MAGI1: variants seen among roughly 807,000 people sequenced by gnomAD.
The protein encoded by MAGI1 is membrane associated guanylate kinase, WW and PDZ domain containing 1, also known as membrane-associated guanylate kinase, WW and PDZ domain-containing protein 1.
MAGI1 carries 58 observed loss-of-function variants against 139.9 expected under a neutral mutation model. That is an observed-to-expected ratio of 0.41 (90% confidence interval 0.34 to 0.52). The LOEUF (loss-of-function observed/expected upper bound fraction) is 0.52. MAGI1 is among the 20% of genes least tolerant of loss of function. The pLI, the probability that MAGI1 is intolerant of heterozygous loss-of-function variation, is 0.12. For missense variants in MAGI1, 1,874 were observed against 1,901.6 expected, an observed-to-expected ratio of 0.99 and a Z score of 0.27; for synonymous variants, 812 against 737.9, an observed-to-expected ratio of 1.10 and a Z score of -1.63.
intron 1 of MAGI1, among the ~76,000 whole-genome samples, chr3:65,948,798 G>A (rs1007676647): frequency 6.6e-6 from 1 of 152,128 alleles, no homozygotes; most frequent in African/African-American, 2.4e-5. Flanking sequence ...AATCTGTTAG[G>A]ATTTTAGAAT....
chr3:65,438,893 T>C (rs1948035622), intron 9 of MAGI1, among the ~76,000 whole-genome samples: 1 of 152,240 alleles, frequency 6.6e-6, no homozygotes, highest in Non-Finnish European at 1.5e-5. Flanking sequence ...CTAACAGAGA[T>C]TGACTGTTTA....
Position 65,810,228 on chromosome 3 carries a change from G to T in MAGI1, c.314-188140C>A, listed in dbSNP as rs1575577949. On this transcript the variant is annotated intron_variant, in intron 1 of 22. Transcript: ENST00000402939. ...GAATTTTAGATACTTTGGCACATTGGGCAAGCCCAAGAGGACCCTTCTCCC... is the reference window on the plus strand; with the variant it reads ...GAATTTTAGATACTTTGGCACATTGTGCAAGCCCAAGAGGACCCTTCTCCC... Among the ~76,000 whole-genome samples, 3 of 152,254 alleles carry T rather than the reference G, an allele frequency of 2.0e-5. No homozygotes were observed. The South Asian group carries it at 6.2e-4, about 32-fold the overall frequency.
At chr3:65,930,709 C>T (rs532409339) in intron 1 of MAGI1, among the ~76,000 whole-genome samples, 1 of 152,122 alleles carries the variant, frequency 6.6e-6, no homozygotes, top group African/African-American at 2.4e-5. Context: ...CCAAAACCCA[C>T]CAAAACCAAG....
At chr3:65,842,332 C>T (rs547947912) in intron 1 of MAGI1, among the ~76,000 whole-genome samples, 5 of 151,658 alleles carry the variant, frequency 3.3e-5, no homozygotes, top group African/African-American at 1.2e-4. Context: ...TTTCAATGTT[C>T]CATATCCCCT....
In MAGI1 at chr3:65,646,464, ATCTCTC is replaced by A. The variant is rs545074824; in HGVS notation, c.314-24382_314-24377del. ...AACAATCGTTGTTAGAGACTTTAACATCTCTCTCTCTTTCTCTCTCTCAATAATTGG... is the reference window on the plus strand; with the variant it reads ...AACAATCGTTGTTAGAGACTTTAACATCTCTTTCTCTCTCTCAATAATTGG... On this transcript the variant is annotated intron_variant, in intron 1 of 22. Transcript: ENST00000402939. Among the ~76,000 whole-genome samples, 25 of 152,258 alleles carry A rather than the reference ATCTCTC, an allele frequency of 1.6e-4. No individual in the cohort carries two copies. In the South Asian group the frequency reaches 5.0e-3, roughly 30 times the overall value.
intron 2 of MAGI1, among the ~76,000 whole-genome samples, chr3:65,607,419 C>G (rs1326925090): frequency 1.3e-5 from 2 of 152,088 alleles, no homozygotes; most frequent in Non-Finnish European, 2.9e-5. Context: ...CCTTCAACAT[C>G]ATCCTCACTC....
chr3:65,675,497 C>G (rs1576684089), intron 1 of MAGI1, among the ~76,000 whole-genome samples: 1 of 152,028 alleles, frequency 6.6e-6, no homozygotes, highest in Non-Finnish European at 1.5e-5. Context: ...TATTAGAGAA[C>G]TTGTGAAGAA....
chr3:65,551,237 G>C (rs542636821), intron 2 of MAGI1, among the ~76,000 whole-genome samples: 1 of 152,198 alleles, frequency 6.6e-6, no homozygotes, highest in African/African-American at 2.4e-5. Context: ...CTTCTGCCGT[G>C]ATTCTAAGTT....
At chr3:65,921,418 C>G (rs1221993903) in intron 1 of MAGI1, among the ~76,000 whole-genome samples, 1 of 151,762 alleles carries the variant, frequency 6.6e-6, no homozygotes, top group East Asian at 1.9e-4. Flanking sequence ...AAGTAATTCT[C>G]CCATCTCAGC....
intron 1 of MAGI1, among the ~76,000 whole-genome samples, chr3:65,763,469 G>A (rs1046802066): frequency 6.6e-6 from 1 of 152,072 alleles, no homozygotes; most frequent in Non-Finnish European, 1.5e-5. Flanking sequence ...GTAAAAGTTT[G>A]CCTATCCTAC....
intron 6 of MAGI1, among the ~76,000 whole-genome samples, chr3:65,448,489 TTA>T (rs1458155296): frequency 6.6e-6 from 1 of 152,150 alleles, no homozygotes; most frequent in East Asian, 1.9e-4. Flanking sequence ...AAAGCATTAT[TTA>T]ACTTACAAGT....
chr3:65,888,640 G>C (rs138909842), intron 1 of MAGI1, among the ~76,000 whole-genome samples: 1 of 152,122 alleles, frequency 6.6e-6, no homozygotes, highest in African/African-American at 2.4e-5. Context: ...ATATACACAA[G>C]TACATACACA....
chr3:65,521,228 G>A (rs1226510357), intron 2 of MAGI1, among the ~76,000 whole-genome samples: 3 of 152,120 alleles, frequency 2.0e-5, no homozygotes, highest in Non-Finnish European at 4.4e-5. Context: ...CAGAGATTAC[G>A]CTGAATAGAG....
At chr3:66,032,003 T>C (rs1321111142) in intron 1 of MAGI1, among the ~76,000 whole-genome samples, 4 of 152,218 alleles carry the variant, frequency 2.6e-5, no homozygotes, top group Admixed American at 1.3e-4. Context: ...CAGTCATTTA[T>C]AGCCCAGTAT....
At chr3:66,016,257 C>T (rs2067630558) in intron 1 of MAGI1, among the ~76,000 whole-genome samples, 1 of 152,180 alleles carries the variant, frequency 6.6e-6, no homozygotes, top group Non-Finnish European at 1.5e-5. Context: ...TGCATCATTT[C>T]ATTGAATCCC....
At chr3:65,818,241 T>G (rs1039474191) in intron 1 of MAGI1, among the ~76,000 whole-genome samples, 7 of 152,238 alleles carry the variant, frequency 4.6e-5, no homozygotes, top group Admixed American at 4.6e-4. Flanking sequence ...GCATTCACTG[T>G]GCTATTTTGG....
intron 2 of MAGI1, chr3:65,597,946 C>A (rs1273648389): frequency 2.2e-6 from 1 of 454,040 alleles, no homozygotes; most frequent in African/African-American, 2.0e-5. Context: ...TGGGACCGAA[C>A]CCCTTCCTGG....
chr3:65,612,505 TA>T (rs557728408), intron 2 of MAGI1, among the ~76,000 whole-genome samples: 5 of 152,150 alleles, frequency 3.3e-5, no homozygotes, highest in East Asian at 1.9e-4. Context: ...TTAAATGCAA[TA>T]AAAAAATATG....
At chr3:65,499,700 C>T (rs2077010199) in intron 2 of MAGI1, among the ~76,000 whole-genome samples, 1 of 151,822 alleles carries the variant, frequency 6.6e-6, no homozygotes, top group African/African-American at 2.4e-5. Flanking sequence ...GTGATATAAA[C>T]AAATTACAGA....
Sources: allele counts gnomAD v4.1 joint callset (sites outside exome capture counted in the v4.1 genomes callset), GRCh38; gene constraint gnomAD v4.1.1; transcripts MANE v1.5; gene names NCBI Gene and HGNC (gene_info 2026-07-23, HGNC 2026-07-21).